GLIS3: variants seen among roughly 807,000 people sequenced by gnomAD.
GLIS3 encodes the protein zinc finger protein GLIS3.
A neutral mutation model predicts 78.6 loss-of-function variants in GLIS3; 53 were observed. That is an observed-to-expected ratio of 0.67 (90% CI 0.54 to 0.85). GLIS3 has a LOEUF of 0.85. Ranked by LOEUF, GLIS3 falls within the 40% of genes least tolerant of loss-of-function variation. The pLI is 0.00. For synonymous variants in GLIS3, 684 were observed against 509.9 expected (o/e 1.34, Z -4.60); for missense variants, 1,703 against 1,231.1 (o/e 1.38, Z -5.74).
chr9:4,319,994 T>C (rs1817499819), intron 2 of GLIS3, among the ~76,000 whole-genome samples: 1 of 36,576 alleles, frequency 2.7e-5, no homozygotes. Context: ...TGTGTGTGTG[T>C]GTGTGTGTGT....
intron 2 of GLIS3, among the ~76,000 whole-genome samples, chr9:4,340,293 GA>G (rs34253104): frequency 0.031 from 4,127 of 133,218 alleles, 207 homozygotes; most frequent in African/African-American, 0.1. Flanking sequence ...AATCAAATGA[GA>G]AAAAAAAAAA....
At chr9:3,904,211 CT>C (rs1823510192) in intron 6 of GLIS3, among the ~76,000 whole-genome samples, 1 of 152,160 alleles carries the variant, frequency 6.6e-6, no homozygotes, top group Admixed American at 6.5e-5. Flanking sequence ...CTGTGGAATT[CT>C]CTTGATGGGC....
the GLIS3 span, among the ~76,000 whole-genome samples, chr9:4,364,751 TATTGC>T: frequency 8.1e-6 from 1 of 122,872 alleles, no homozygotes; most frequent in African/African-American, 3.1e-5. Context: ...TGTCATCATG[TATTGC>T]TTTTTTTTTT....
chr9:4,415,775 A>G, the GLIS3 span, among the ~76,000 whole-genome samples: 1 of 148,722 alleles, frequency 6.7e-6, no homozygotes, highest in South Asian at 2.2e-4. Flanking sequence ...GATCATATAC[A>G]TATTTTTTAA....
chr9:4,408,399 G>A, the GLIS3 span, among the ~76,000 whole-genome samples: 1 of 150,410 alleles, frequency 6.6e-6, no homozygotes, highest in East Asian at 1.9e-4. Context: ...TGGGGCGGTA[G>A]GGAGGAAGGT....
intron 4 of GLIS3, among the ~76,000 whole-genome samples, chr9:3,967,748 A>G (rs917041471): frequency 1.3e-5 from 2 of 152,144 alleles, no homozygotes; most frequent in African/African-American, 4.8e-5. Flanking sequence ...ATGTCATGAG[A>G]AAGATGGATA....
At chr9:4,449,100 C>T in the GLIS3 span, among the ~76,000 whole-genome samples, 4 of 152,268 alleles carry the variant, frequency 2.6e-5, no homozygotes, top group African/African-American at 9.6e-5. Context: ...CCTGGAAAAT[C>T]GGGACACTCC....
intron 2 of GLIS3, among the ~76,000 whole-genome samples, chr9:4,201,517 C>A (rs182391348): frequency 5.9e-5 from 9 of 152,050 alleles, no homozygotes; most frequent in Non-Finnish European, 1.2e-4. Flanking sequence ...TACAAAAGTC[C>A]GTAGTGTTTT....
intron 4 of GLIS3, among the ~76,000 whole-genome samples, chr9:4,047,277 C>A (rs1221016781): frequency 1.3e-5 from 2 of 152,090 alleles, no homozygotes; most frequent in Admixed American, 6.6e-5. Flanking sequence ...TTCCTGAGGC[C>A]ACCCCAGTCA....
intron 9 of GLIS3, among the ~76,000 whole-genome samples, 153 bp from the exon 10 acceptor site, chr9:3,829,645 G>C (rs1817933688): frequency 2.0e-5 from 3 of 152,138 alleles, no homozygotes. Context: ...GCAAACATTT[G>C]GAATGCACTG....
chr9:4,093,605 A>G (rs1266460259), intron 4 of GLIS3, among the ~76,000 whole-genome samples: 1 of 152,182 alleles, frequency 6.6e-6, no homozygotes, highest in Non-Finnish European at 1.5e-5. Context: ...TTGGCCTTCT[A>G]GTGGTATGAT....
At chr9:3,953,158 T>C (rs1312377419) in intron 4 of GLIS3, among the ~76,000 whole-genome samples, 1 of 152,188 alleles carries the variant, frequency 6.6e-6, no homozygotes, top group East Asian at 1.9e-4. Flanking sequence ...ATATCTTTAG[T>C]ACCCCAATGA....
At chr9:3,937,440 G>A (rs1825959883) in intron 4 of GLIS3, among the ~76,000 whole-genome samples, 1 of 152,152 alleles carries the variant, frequency 6.6e-6, no homozygotes, top group Non-Finnish European at 1.5e-5. Flanking sequence ...ATTTACTTAT[G>A]TCAGAGAAAA....
the GLIS3 span, among the ~76,000 whole-genome samples, chr9:4,471,988 C>CA: frequency 6.6e-6 from 1 of 152,240 alleles, no homozygotes; most frequent in South Asian, 2.1e-4. Flanking sequence ...TTTATGCAGC[C>CA]AACAAACACA....
chr9:4,198,955 A>C (rs1368007215), intron 2 of GLIS3, among the ~76,000 whole-genome samples: 1 of 152,198 alleles, frequency 6.6e-6, no homozygotes, highest in East Asian at 1.9e-4. Flanking sequence ...TTCATATCCC[A>C]CCAAACTAAG....
chr9:3,827,816 G>A lies in GLIS3; in HGVS notation c.*456C>T. On this transcript the variant is annotated 3_prime_UTR_variant, in exon 11 of 11. Transcript: ENST00000381971. Reference sequence around the variant, plus strand: ...GCTTTGGACATGGATTTCCCTTGTTGTGCCTGGCTTTGCATCAGGAGCAGC... The same window carrying A: ...GCTTTGGACATGGATTTCCCTTGTTATGCCTGGCTTTGCATCAGGAGCAGC... The A allele has an allele frequency of 4.1e-6, 1 of 242,344 alleles. No individual in the cohort carries two copies. Among genetic ancestry groups the A allele is most frequent in the East Asian group, 9.8e-5 (1 of 10,180 alleles). 15.0% of individuals were successfully genotyped at this position (242,344 alleles called of 1,614,324 possible).
At chr9:4,099,093 G>C (rs1223197378) in intron 4 of GLIS3, among the ~76,000 whole-genome samples, 1 of 152,222 alleles carries the variant, frequency 6.6e-6, no homozygotes, top group African/African-American at 2.4e-5. Context: ...ATGGCAAGAA[G>C]GAATAAGAGG....
chr9:4,012,916 G>A (rs906534373), intron 4 of GLIS3, among the ~76,000 whole-genome samples: 17 of 151,760 alleles, frequency 1.1e-4, no homozygotes, highest in African/African-American at 3.4e-4. Flanking sequence ...GGGATTACAG[G>A]TGCCCGCCAC....
At chr9:4,428,177 A>C in the GLIS3 span, among the ~76,000 whole-genome samples, 1 of 151,060 alleles carries the variant, frequency 6.6e-6, no homozygotes, top group Non-Finnish European at 1.5e-5. Flanking sequence ...GCCTACCAAA[A>C]ATAATAATAA....
Sources: gnomAD v4.1 joint callset for allele counts (sites outside exome capture counted in the v4.1 genomes callset) on GRCh38, gnomAD v4.1.1 for gene constraint, MANE v1.5 for transcripts, NCBI Gene and HGNC (gene_info 2026-07-23, HGNC 2026-07-21) for gene names.